CEP295: variants seen among roughly 807,000 people sequenced by gnomAD.
CEP295 encodes centrosomal protein of 295 kDa.
Under a neutral mutation model 291.6 loss-of-function variants are expected in CEP295, and 190 were observed. The observed-to-expected ratio is 0.65, with a 90% CI of 0.58 to 0.73. The LOEUF is 0.73. Ranked by LOEUF, CEP295 falls within the 30% of genes least tolerant of loss-of-function variation. The pLI is 0.00. For missense variants in CEP295, 2,863 were observed against 2,949.4 expected (o/e 0.97, Z 0.68); for synonymous variants, 993 against 1,038.8 (o/e 0.96, Z 0.85).
intron 1 of CEP295, among the ~76,000 whole-genome samples, chr11:93,662,480 A>G (rs2134736201): frequency 6.6e-6 from 1 of 152,352 alleles, no homozygotes; most frequent in South Asian, 2.1e-4. Context: ...ATTACTATGT[A>G]CCAGGAGCCA....
chr11:93,672,198 T>TA (rs1950485111), intron 5 of CEP295, among the ~76,000 whole-genome samples: 1 of 152,202 alleles, frequency 6.6e-6, no homozygotes, highest in Non-Finnish European at 1.5e-5. Context: ...CTGTGACACT[T>TA]AGCTTCCCGT....
At chr11:93,666,659 G>T in intron 1 of CEP295, 23 bp from the exon 2 acceptor site, 2 of 857,676 alleles carry the variant, frequency 2.3e-6, no homozygotes, top group Non-Finnish European at 3.6e-6. Flanking sequence ...TATTTTTATA[G>T]ACATTTTCCT....
At position 93,706,745 on chromosome 11, in the gene CEP295, G is replaced by T. The variant is rs1181143938; in HGVS notation, c.5597G>T (p.Gly1866Val). ...AGTGGAAATATTTTTTCCCCCCCAG[G>T]TAAACCAGGTATTTATGAAGACAGA... ...SPAIGRTSILGKPGIYEDRDP... is the reference protein window; with the variant it reads ...SPAIGRTSILVKPGIYEDRDP... Residue 1866 changes from glycine to valine, a missense_variant and splice_region_variant, in exon 18 of 30, where the codon GGT becomes GTT. Physicochemically the swap from Gly to Val is moderately radical, Grantham distance 109. Around this residue, in one of 3 missense-constraint regions of CEP295, gnomAD observed 2,295 missense variants for 2,335.7 expected, o/e 0.98. Transcript: ENST00000325212. 1.3e-6 allele frequency: 2 copies of T among 1,523,108 alleles called. No individual in the cohort carries two copies. The highest frequency in any genetic ancestry group is 2.3e-5 in the Admixed American group (1 of 43,704). The allele number at this position is 1,523,108 out of a possible 1,614,324, so 94.3% of individuals were successfully genotyped here. A position where few individuals can be genotyped will look rare whatever the true frequency, so the allele number is the denominator to read the frequency against.
At chr11:93,673,775 G>A (rs1950556426) in intron 5 of CEP295, among the ~76,000 whole-genome samples, 1 of 152,010 alleles carries the variant, frequency 6.6e-6, no homozygotes. Context: ...TTACAGGTGT[G>A]AGCCACAACG....
intron 9 of CEP295, among the ~76,000 whole-genome samples, chr11:93,684,692 G>A (rs1257306359): frequency 1.3e-5 from 2 of 152,202 alleles, no homozygotes; most frequent in Non-Finnish European, 2.9e-5. Flanking sequence ...CTTTTTGCAA[G>A]CGGTTGCAGT....
intron 18 of CEP295, among the ~76,000 whole-genome samples, chr11:93,720,473 C>CA (rs530395939): frequency 5.1e-4 from 10 of 19,444 alleles, no homozygotes; most frequent in African/African-American, 9.3e-4. Context: ...GAGTCTGCCT[C>CA]AAAAAAAAAA....
At chr11:93,692,458 G>A (rs980508049) in intron 12 of CEP295, among the ~76,000 whole-genome samples, 10 of 152,152 alleles carry the variant, frequency 6.6e-5, no homozygotes, top group Admixed American at 6.5e-4. Flanking sequence ...TAATACTTCA[G>A]AGGAAAAACT....
chr11:93,729,130 A>G, intron 25 of CEP295: 1 of 499,508 alleles, frequency 2.0e-6, no homozygotes. Flanking sequence ...AAATGACTTC[A>G]GAACAACTGG....
chr11:93,729,812 C>A, intron 27 of CEP295, 31 bp downstream of exon 27: 3 of 1,536,360 alleles, frequency 2.0e-6, no homozygotes, highest in Non-Finnish European at 2.6e-6. Flanking sequence ...CTTCAACCAA[C>A]TCCCTGAAAT....
At chr11:93,710,275 A>G (rs1207803229) in intron 18 of CEP295, among the ~76,000 whole-genome samples, 3 of 152,128 alleles carry the variant, frequency 2.0e-5, no homozygotes, top group African/African-American at 4.8e-5. Flanking sequence ...GATCTGTCAT[A>G]TATGGCTTTT....
At chr11:93,730,178 T>C (rs1938249935) in intron 29 of CEP295, 30 bp downstream of exon 29, 1 of 1,551,068 alleles carries the variant, frequency 6.4e-7, no homozygotes, top group Non-Finnish European at 8.7e-7. Context: ...AAGGACTTAA[T>C]TTTTCAAGCA....
In CEP295 at chr11:93,727,423, T is replaced by C. The variant is rs1565224996; in HGVS notation, c.6947T>C (p.Val2316Ala). 16 of 1,551,744 alleles carry C rather than the reference T, an allele frequency of 1.0e-5. No individual in the cohort carries two copies. The highest frequency in any genetic ancestry group is 1.3e-5 in the Non-Finnish European group (15 of 1,146,964). Residue 2316 changes from valine to alanine, a missense_variant, in exon 24 of 30, where the codon GTA becomes GCA. Around this residue, in one of 3 missense-constraint regions of CEP295, gnomAD observed 2,295 missense variants for 2,335.7 expected, o/e 0.98. Transcript: ENST00000325212. ...TCRVLDINPQ[V>A]EETDSRLCVR... ...AGGGTTTTAGACATAAATCCACAGG[T>C]AGAGGAAACTGACTCTCGATTATGT...
In CEP295 at chr11:93,695,612, G is replaced by GA. The variant is rs749718914; in HGVS notation, c.1657dup (p.Thr553AsnfsTer18). On this transcript the variant is annotated frameshift_variant, in exon 13 of 30. Transcript: ENST00000325212. LOFTEE classifies it high-confidence loss of function. ...AGGGCTCAGCTGGAAGAAGAAAAAA[G>GA]AAAAAAAACTCAACCGACTGGGGTA... 22 of 1,440,730 alleles carry GA rather than the reference G, an allele frequency of 1.5e-5. No homozygotes were observed. In the Admixed American group the frequency reaches 2.0e-4, roughly 13 times the overall value. The allele number at this position is 1,440,730 out of a possible 1,614,324, so 89.2% of individuals were successfully genotyped here.
chr11:93,702,877 C>G lies in CEP295; in HGVS notation c.5554C>G (p.Gln1852Glu). ...DLNQHELSAI[Q>E]EVESPAIGRT... is the part of the protein sequence containing the mutation. ...AAACCAGCATGAACTTAGTGCTATA[C>G]AAGAAGTAGAGTCACCAGCAATTGG... The change falls in exon 17 of 30, where the codon CAA (glutamine) becomes GAA (glutamate). Residue 1852 changes from glutamine to glutamate, a missense_variant. By Grantham distance (29) the Gln-to-Glu change is conservative. Coordinates refer to ENST00000325212, the MANE Select transcript of CEP295 (RefSeq NM_033395.2). 5 of 1,551,542 alleles carry G rather than the reference C, an allele frequency of 3.2e-6. No individual in the cohort carries two copies. The highest frequency in any genetic ancestry group is 4.4e-6 in the Non-Finnish European group (5 of 1,146,834).
chr11:93,663,275 G>T (rs1287692760), intron 1 of CEP295, among the ~76,000 whole-genome samples: 2 of 152,166 alleles, frequency 1.3e-5, no homozygotes, highest in Admixed American at 1.3e-4. Flanking sequence ...TGTCTAAGAG[G>T]GGTCTACCCA....
intron 7 of CEP295, among the ~76,000 whole-genome samples, chr11:93,681,403 A>AT (rs71064773): frequency 0.024 from 867 of 36,388 alleles, 222 homozygotes; most frequent in Middle Eastern, 0.1. Context: ...CACCCAGCTA[A>AT]TTTTTTTTTT....
At chr11:93,700,339 A>G (rs1952072410) in intron 15 of CEP295, among the ~76,000 whole-genome samples, 153 bp downstream of exon 15, 1 of 152,202 alleles carries the variant, frequency 6.6e-6, no homozygotes, top group Non-Finnish European at 1.5e-5. Flanking sequence ...GGAAGTTAAA[A>G]CAAAAATCGA....
intron 17 of CEP295, among the ~76,000 whole-genome samples, chr11:93,705,810 C>T (rs763817053): frequency 4.6e-5 from 7 of 152,126 alleles, no homozygotes; most frequent in Non-Finnish European, 1.0e-4. Context: ...TGCTGTTGGA[C>T]TTTATTGGAA....
At chr11:93,661,888 C>A (rs1430357470) in intron 1 of CEP295, 114 bp downstream of exon 1, 1 of 152,738 alleles carries the variant, frequency 6.5e-6, no homozygotes. Context: ...CGCCTTGTTG[C>A]GAACGCAGGT....
Sources: gnomAD v4.1 joint callset for allele counts (sites outside exome capture counted in the v4.1 genomes callset) on GRCh38, gnomAD v4.1.1 for gene constraint, gnomAD v4.1.1 regional missense constraint, MANE v1.5 for transcripts, NCBI Gene and HGNC (gene_info 2026-07-23, HGNC 2026-07-21) for gene names.